The following CNKSR2 variants were observed in gnomAD, a reference collection of about 807,000 sequenced individuals.
CNKSR2 encodes connector enhancer of kinase suppressor of Ras 2.
In CNKSR2, 14 loss-of-function variants were observed where a neutral mutation model predicts 84.4. The observed-to-expected ratio is 0.17, with a 90% CI of 0.11 to 0.26. CNKSR2 has a LOEUF of 0.26. CNKSR2 is among the 10% of genes least tolerant of loss of function. The pLI, the probability that CNKSR2 is intolerant of heterozygous loss-of-function variation, is 1.00. For missense variants in CNKSR2, 485 were observed against 771.2 expected, an observed-to-expected ratio of 0.63 and a Z score of 4.40; for synonymous variants, 275 against 277.9, an observed-to-expected ratio of 0.99 and a Z score of 0.10.
chrX:21,394,054 TG>T (rs1806083213), intron 1 of CNKSR2, among the ~76,000 whole-genome samples: 1 of 112,138 alleles, frequency 8.9e-6, no homozygotes, highest in Non-Finnish European at 1.9e-5. Flanking sequence ...GTCCTGTATT[TG>T]TATGTGTGTT....
At chrX:21,573,562 C>T (rs1165369565) in intron 13 of CNKSR2, among the ~76,000 whole-genome samples, 2 of 112,263 alleles carry the variant, frequency 1.8e-5, no homozygotes, top group Non-Finnish European at 3.8e-5. Context: ...GACTTCTGTG[C>T]ACATGCAGGC....
intron 8 of CNKSR2, among the ~76,000 whole-genome samples, chrX:21,513,197 G>A (rs1445434879): frequency 1.8e-5 from 2 of 111,658 alleles, no homozygotes; most frequent in Non-Finnish European, 3.8e-5. Flanking sequence ...GCAGGAAGCT[G>A]TTGGTGAAAG....
In CNKSR2 at chrX:21,534,421, T is replaced by TA. The variant is rs764003019; in HGVS notation, c.1303+2355dup. On this transcript the variant is annotated intron_variant, in intron 11 of 21. Coordinates refer to ENST00000379510, the MANE Select transcript of CNKSR2 (RefSeq NM_014927.5). ...TGGGAGTACAGATATCTCTTTGACATACTGATTTCCTTTCCTTTGGACCTA... is the reference window on the plus strand; with the variant it reads ...TGGGAGTACAGATATCTCTTTGACATAACTGATTTCCTTTCCTTTGGACCTA... 3.6e-5 allele frequency among the ~76,000 whole-genome samples: 4 copies of TA among 110,586 alleles called. No homozygotes were observed. The South Asian group carries it at 1.2e-3, about 32-fold the overall frequency.
At chrX:21,543,229 G>T (rs1457542294) in intron 11 of CNKSR2, among the ~76,000 whole-genome samples, 1 of 112,260 alleles carries the variant, frequency 8.9e-6, no homozygotes, top group Non-Finnish European at 1.9e-5. Flanking sequence ...AGCTATTCTG[G>T]AGACAAAAGA....
chrX:21,544,960 G>A (rs904914549), intron 11 of CNKSR2, among the ~76,000 whole-genome samples: 5 of 111,304 alleles, frequency 4.5e-5, no homozygotes, highest in Admixed American at 2.8e-4. Flanking sequence ...AAAACTGGGC[G>A]ACTGTTTGGG....
chrX:21,605,950 A>G (rs1008104841), intron 18 of CNKSR2, among the ~76,000 whole-genome samples: 8 of 112,290 alleles, frequency 7.1e-5, no homozygotes, highest in Non-Finnish European at 1.1e-4. Flanking sequence ...CATATAAAGA[A>G]TAAAACCAGC....
At chrX:21,558,695 G>C (rs1277150529) in intron 11 of CNKSR2, among the ~76,000 whole-genome samples, 1 of 110,856 alleles carries the variant, frequency 9.0e-6, no homozygotes, top group African/African-American at 3.3e-5. Flanking sequence ...CAGAGATGAC[G>C]CAAAATATAA....
chrX:21,563,660 G>A (rs1006242641), intron 13 of CNKSR2, among the ~76,000 whole-genome samples: 1 of 111,267 alleles, frequency 9.0e-6, no homozygotes, highest in Non-Finnish European at 1.9e-5. Context: ...GTAGCAAGTT[G>A]GATTTTAATG....
At chrX:21,552,611 C>T (rs1489676073) in intron 11 of CNKSR2, among the ~76,000 whole-genome samples, 1 of 111,936 alleles carries the variant, frequency 8.9e-6, no homozygotes, top group Non-Finnish European at 1.9e-5. Context: ...TTTAAGCCTG[C>T]CCAGCGGTTG....
intron 20 of CNKSR2, among the ~76,000 whole-genome samples, chrX:21,638,345 C>T (rs974244974): frequency 2.7e-5 from 3 of 111,294 alleles, no homozygotes; most frequent in Admixed American, 9.6e-5. Context: ...ATTATTTGGG[C>T]GGTCAAGTTT....
At chrX:21,439,408 T>C (rs1472402916) in intron 3 of CNKSR2, among the ~76,000 whole-genome samples, 2 of 110,748 alleles carry the variant, frequency 1.8e-5, no homozygotes, top group African/African-American at 6.5e-5. Context: ...ATCAGAAATA[T>C]ATATATTCAA....
intron 8 of CNKSR2, among the ~76,000 whole-genome samples, chrX:21,514,330 A>G (rs1263880408): frequency 8.9e-6 from 1 of 111,902 alleles, no homozygotes; most frequent in Non-Finnish European, 1.9e-5. Flanking sequence ...CTTGTTTAAA[A>G]CATTGTTAAT....
intron 15 of CNKSR2, chrX:21,594,238 C>G (rs192773339): frequency 9.0e-6 from 1 of 111,254 alleles, no homozygotes; most frequent in Admixed American, 9.6e-5. Flanking sequence ...CCAAATACCA[C>G]GTGTTCTCAC....
intron 8 of CNKSR2, chrX:21,503,848 T>A (rs1240937907): frequency 9.0e-6 from 1 of 111,188 alleles, no homozygotes; most frequent in African/African-American, 3.3e-5. Context: ...CCTGTCATAA[T>A]GCCGGGCACA....
chrX:21,446,459 A>G (rs1429905213), intron 4 of CNKSR2, among the ~76,000 whole-genome samples: 1 of 111,108 alleles, frequency 9.0e-6, no homozygotes, highest in Non-Finnish European at 1.9e-5. Flanking sequence ...CTGAAGGCTC[A>G]GAATGAAGAG....
At chrX:21,590,970 T>C (rs899435024) in intron 14 of CNKSR2, 52 bp from the exon 15 acceptor site, 3 of 1,046,794 alleles carry the variant, frequency 2.9e-6, no homozygotes, top group Non-Finnish European at 3.9e-6. Context: ...TATAGATTAA[T>C]CCTCTACTTT....
At chrX:21,599,383 T>TGA (rs61519227) in intron 17 of CNKSR2, among the ~76,000 whole-genome samples, 10 of 93,506 alleles carry the variant, frequency 1.1e-4, no homozygotes, top group Admixed American at 7.4e-4. Context: ...TGTGTGTGTG[T>TGA]GAGATGGAGT....
chrX:21,403,480 C>T (rs921881015), intron 1 of CNKSR2, among the ~76,000 whole-genome samples: 6 of 111,115 alleles, frequency 5.4e-5, no homozygotes, highest in East Asian at 2.8e-4. Flanking sequence ...GATTTCATGA[C>T]GGTGAGATAT....
At chrX:21,587,151 G>A (rs185020837) in intron 13 of CNKSR2, among the ~76,000 whole-genome samples, 8 of 111,810 alleles carry the variant, frequency 7.2e-5, no homozygotes, top group African/African-American at 2.6e-4. Flanking sequence ...AAATGACAGT[G>A]TAACTACAGA....
Sources: gnomAD v4.1 joint callset for allele counts (sites outside exome capture counted in the v4.1 genomes callset) on GRCh38, gnomAD v4.1.1 for gene constraint, MANE v1.5 for transcripts, NCBI Gene and HGNC (gene_info 2026-07-23, HGNC 2026-07-21) for gene names.